NAF1: variants seen among roughly 807,000 people sequenced by gnomAD.
The protein encoded by NAF1 is H/ACA ribonucleoprotein complex non-core subunit NAF1.
A neutral mutation model predicts 40.6 loss-of-function variants in NAF1; 11 were observed. The observed-to-expected ratio is 0.27, with a 90% CI of 0.17 to 0.45. NAF1 has a LOEUF of 0.45. Among genes scored for constraint, NAF1 ranks in the 20% least tolerant of loss-of-function variants. The probability of loss-of-function intolerance (pLI) is 1.00; values close to 1 mark genes in which losing one functional copy is unlikely to be tolerated. For synonymous variants in NAF1, 260 were observed against 228.5 expected (o/e 1.14, Z -1.24); for missense variants, 607 against 611.1 (o/e 0.99, Z 0.07).
intron 2 of NAF1, among the ~76,000 whole-genome samples, chr4:163,151,362 C>G (rs1417102197): frequency 1.3e-5 from 2 of 150,714 alleles, no homozygotes; most frequent in African/African-American, 4.9e-5. Flanking sequence ...CTTTATTTCT[C>G]TAGTTTTTTT....
At chr4:163,144,406 A>G (rs1731378251) in intron 4 of NAF1, among the ~76,000 whole-genome samples, 1 of 152,222 alleles carries the variant, frequency 6.6e-6, no homozygotes, top group Admixed American at 6.5e-5. Context: ...GCTGATTACT[A>G]TCGTGTTACT....
chr4:163,162,805 C>T (rs1732280251), intron 2 of NAF1, among the ~76,000 whole-genome samples: 1 of 152,210 alleles, frequency 6.6e-6, no homozygotes, highest in Non-Finnish European at 1.5e-5. Context: ...CTATAAAGCA[C>T]TCCACTGGGG....
intron 2 of NAF1, among the ~76,000 whole-genome samples, chr4:163,153,052 G>A (rs567576146): frequency 6.6e-6 from 1 of 152,210 alleles, no homozygotes; most frequent in African/African-American, 2.4e-5. Context: ...CACTGCGCTC[G>A]ATTTCTCGCC....
At chr4:163,132,109 G>A (rs1174199259) in intron 7 of NAF1, among the ~76,000 whole-genome samples, 1 of 152,126 alleles carries the variant, frequency 6.6e-6, no homozygotes, top group Non-Finnish European at 1.5e-5. Context: ...ATACATCGCT[G>A]ATAAAAATGT....
At chr4:163,158,500 C>T (rs1410935609) in intron 2 of NAF1, among the ~76,000 whole-genome samples, 1 of 151,886 alleles carries the variant, frequency 6.6e-6, no homozygotes, top group Non-Finnish European at 1.5e-5. Context: ...CATTAATTAC[C>T]CTATTGTGTA....
chr4:163,142,628 T>A (rs1056901146), intron 4 of NAF1, among the ~76,000 whole-genome samples: 1 of 152,166 alleles, frequency 6.6e-6, no homozygotes, highest in African/African-American at 2.4e-5. Flanking sequence ...TAAAACAACA[T>A]CACAGGCAGT....
At chr4:163,143,613 G>C (rs549526758) in intron 4 of NAF1, among the ~76,000 whole-genome samples, 1 of 152,166 alleles carries the variant, frequency 6.6e-6, no homozygotes, top group South Asian at 2.1e-4. Context: ...ATCTAGGAGG[G>C]GACTAGGTAA....
At chr4:163,118,192 G>C (rs531435176) in intron 2 of NAF1, among the ~76,000 whole-genome samples, 2 of 152,114 alleles carry the variant, frequency 1.3e-5, no homozygotes, top group East Asian at 3.9e-4. Flanking sequence ...CTATACTCTA[G>C]AAACACAAAG....
intron 6 of NAF1, chr4:163,134,950 C>A (rs533134684): frequency 6.6e-6 from 1 of 152,232 alleles, no homozygotes; most frequent in Non-Finnish European, 1.5e-5. Flanking sequence ...AGAGAGATTA[C>A]TCTGGTAGTA....
intron 2 of NAF1, among the ~76,000 whole-genome samples, chr4:163,161,346 G>A (rs1039181940): frequency 1.4e-4 from 21 of 152,082 alleles, no homozygotes; most frequent in Non-Finnish European, 2.9e-4. Context: ...GGTGGTGGGC[G>A]CTTGTAATTC....
intron 3 of NAF1, 97 bp downstream of exon 3, chr4:163,148,244 A>T: frequency 1.6e-6 from 1 of 631,108 alleles, no homozygotes; most frequent in Non-Finnish European, 2.6e-6. Flanking sequence ...AGTGTTAATT[A>T]CGTATGTCAA....
chr4:163,127,405 C>T (rs571004746), downstream of NAF1, among the ~76,000 whole-genome samples: 3 of 152,256 alleles, frequency 2.0e-5, no homozygotes, highest in African/African-American at 7.2e-5. Flanking sequence ...GCTGGGATTA[C>T]AGGCATGAGC....
At chr4:163,109,275 T>C (rs948323156), downstream of NAF1, among the ~76,000 whole-genome samples, 1 of 151,892 alleles carries the variant, frequency 6.6e-6, no homozygotes. Flanking sequence ...TTCTCCCTCT[T>C]CATTAGCTTC....
rs1212623946 is a variant in NAF1 at position 163,166,887 on chromosome 4, A to T, written c.-160T>A. ...TAACTACACGCGGAGGAGCCAAAAG[A>T]CACGCCCCCGCCATTTACGCAGCAA... is the stretch of plus-strand genomic sequence containing the variant. On this transcript the variant is annotated 5_prime_UTR_variant, in exon 1 of 8. Transcript: ENST00000274054. 1.3e-5 allele frequency: 13 copies of T among 973,256 alleles called. No homozygotes were observed. The highest frequency in any genetic ancestry group is 1.9e-5 in the Non-Finnish European group (13 of 682,240). The allele number at this position is 973,256 out of a possible 1,614,324, so 60.3% of individuals were successfully genotyped here. A position where few individuals can be genotyped will look rare whatever the true frequency, so the allele number is the denominator to read the frequency against.
At chr4:163,139,157 T>A (rs1344210753) in intron 5 of NAF1, among the ~76,000 whole-genome samples, 1 of 152,132 alleles carries the variant, frequency 6.6e-6, no homozygotes, top group Admixed American at 6.5e-5. Context: ...ATAAGTAATC[T>A]TCTTATGCCA....
chr4:163,154,553 T>G (rs532340572), intron 2 of NAF1, among the ~76,000 whole-genome samples: 3 of 152,272 alleles, frequency 2.0e-5, no homozygotes, highest in African/African-American at 7.2e-5. Context: ...ACAGATCTAT[T>G]TGTTTCTTTT....
At chr4:163,110,037 AT>A (rs1342150087), downstream of NAF1, 2 of 426,806 alleles carry the variant, frequency 4.7e-6, no homozygotes, top group Non-Finnish European at 4.1e-6. Context: ...ATCCTGCCCT[AT>A]TAAGTATGCA....
chr4:163,148,123 T>A (rs1011242350), intron 3 of NAF1, among the ~76,000 whole-genome samples: 1 of 152,200 alleles, frequency 6.6e-6, no homozygotes, highest in Admixed American at 6.5e-5. Context: ...CCGGAGGAAG[T>A]ATGTCAGTAA....
chr4:163,162,660 G>A (rs1214703503), intron 2 of NAF1, among the ~76,000 whole-genome samples: 1 of 152,154 alleles, frequency 6.6e-6, no homozygotes, highest in African/African-American at 2.4e-5. Context: ...AGCAGAAACT[G>A]GACTGGTCTT....
Sources: allele counts gnomAD v4.1 joint callset (sites outside exome capture counted in the v4.1 genomes callset), GRCh38; gene constraint gnomAD v4.1.1; transcripts MANE v1.5; gene names NCBI Gene and HGNC (gene_info 2026-07-23, HGNC 2026-07-21).